The following SERF2 variants were observed in gnomAD, a reference collection of about 807,000 sequenced individuals.
The protein encoded by SERF2 is small EDRK-rich factor 2, also known as gastric cancer-related protein VRG107.
A neutral mutation model predicts 10.7 loss-of-function variants in SERF2; 4 were observed. The observed-to-expected ratio is 0.37, with a 90% confidence interval of 0.18 to 0.86. The LOEUF (loss-of-function observed/expected upper bound fraction) is 0.86, where lower values mean the gene tolerates loss of function less well. Among genes scored for constraint, SERF2 ranks in the 40% least tolerant of loss-of-function variants. The pLI, the probability that SERF2 is intolerant of heterozygous loss-of-function variation, is 0.43. For synonymous variants in SERF2, 26 were observed against 26.0 expected, an observed-to-expected ratio of 1.00 and a Z score of 0.01; for missense variants, 47 against 79.1, an observed-to-expected ratio of 0.59 and a Z score of 1.54.
upstream of SERF2, among the ~76,000 whole-genome samples, chr15:43,788,773 T>A (rs1264492330): frequency 1.3e-5 from 2 of 152,196 alleles, no homozygotes; most frequent in Non-Finnish European, 2.9e-5. Flanking sequence ...AGAAAGTTAT[T>A]TAACCTGCCA....
In SERF2 at chr15:43,794,407, CCTG is replaced by C. The variant is rs2087152727; in HGVS notation, c.*640_*642del. On this transcript the variant is annotated 3_prime_UTR_variant, in exon 3 of 3. Coordinates refer to ENST00000249786, the MANE Select transcript of SERF2 (RefSeq NM_001018108.4). ...TCTGCTTGAAAGTTGGCCAAAAAAT[CCTG>C]CTGCTCACCGACTTCCCGTGGTCAG... 6.1e-6 allele frequency: 1 copy of C among 164,438 alleles called. No homozygotes were observed. Among genetic ancestry groups the C allele is most frequent in the Non-Finnish European group, 1.3e-5 (1 of 75,508 alleles). 10.2% of individuals were successfully genotyped at this position (164,438 alleles called of 1,614,324 possible). A position where few individuals can be genotyped will look rare whatever the true frequency, so the allele number is the denominator to read the frequency against.
Position 43,795,856 on chromosome 15 carries a change from A to C in SERF2, c.*2083A>C. 5.1e-6 allele frequency: 5 copies of C among 980,876 alleles called. No homozygotes were observed. Among genetic ancestry groups the C allele is most frequent in the Middle Eastern group, 2.1e-4 (1 of 4,702 alleles). The allele number at this position is 980,876 out of a possible 1,614,324, so 60.8% of individuals were successfully genotyped here. A position where few individuals can be genotyped will look rare whatever the true frequency, so the allele number is the denominator to read the frequency against. On this transcript the variant is annotated 3_prime_UTR_variant, in exon 3 of 3. Transcript: ENST00000249786. ...AAAAGTGGAGGCACACCTGGGTTCA[A>C]ATTCTAGCTCCAGCATATAAGTGGC...
upstream of SERF2, among the ~76,000 whole-genome samples, chr15:43,787,323 A>G (rs185711231): frequency 1.9e-3 from 287 of 152,110 alleles, 1 homozygote; most frequent in African/African-American, 6.5e-3. Flanking sequence ...AAACCAATCA[A>G]TATTAAAAGG....
intron 1 of SERF2, among the ~76,000 whole-genome samples, chr15:43,780,231 C>G (rs939387637): frequency 2.0e-5 from 3 of 152,106 alleles, no homozygotes; most frequent in Admixed American, 2.0e-4. Context: ...GCTCTGCCTC[C>G]CAGGTTCACG....
intron 2 of SERF2, 80 bp from the exon 3 acceptor site, chr15:43,793,630 C>T (rs1358652509): frequency 1.2e-6 from 2 of 1,612,680 alleles, no homozygotes; most frequent in Non-Finnish European, 1.7e-6. Flanking sequence ...TCCATCTTAT[C>T]CTTTGTGCCC....
chr15:43,792,375 C>A lies in SERF2; in HGVS notation c.-2C>A. 1.9e-6 allele frequency: 3 copies of A among 1,613,326 alleles called. No individual in the cohort carries two copies. The highest frequency in any genetic ancestry group is 2.5e-6 in the Non-Finnish European group (3 of 1,179,272). On this transcript the variant is annotated 5_prime_UTR_variant, in exon 1 of 3. Coordinates refer to ENST00000249786, the MANE Select transcript of SERF2 (RefSeq NM_001018108.4). ...AGGCAGGTTGGAGCCGCTGCCGTCGCCATGACCCGTGAGCACCGAGCCCCC... is the reference window on the plus strand; with the variant it reads ...AGGCAGGTTGGAGCCGCTGCCGTCGACATGACCCGTGAGCACCGAGCCCCC...
rs1247548055 is a variant in SERF2 at position 43,794,076 on chromosome 15, G to C, written c.*303G>C. On this transcript the variant is annotated 3_prime_UTR_variant, in exon 3 of 3. Coordinates refer to ENST00000249786, the MANE Select transcript of SERF2 (RefSeq NM_001018108.4). ...AGCGCCTGGTTTGACTGGGGACTTG[G>C]GGGGATGGGGTTGGAAGAATGACTG... 8.6e-7 allele frequency: 1 copy of C among 1,161,426 alleles called. No individual in the cohort carries two copies. The highest frequency in any genetic ancestry group is 1.2e-6 in the Non-Finnish European group (1 of 851,796). 71.9% of individuals were successfully genotyped at this position (1,161,426 alleles called of 1,614,324 possible).
upstream of SERF2, chr15:43,792,035 C>T: frequency 2.1e-6 from 1 of 481,052 alleles, no homozygotes; most frequent in Non-Finnish European, 3.8e-6. Context: ...CGGTCACGTG[C>T]TCGAGCCCGC....
chr15:43,785,373 T>A (rs948156995), intron 1 of SERF2: 2 of 151,900 alleles, frequency 1.3e-5, no homozygotes, highest in African/African-American at 4.8e-5. Context: ...CCCGCCTGAA[T>A]GTTTCTTTCT....
In SERF2 at chr15:43,793,794, C is replaced by A. The variant is rs760093532; in HGVS notation, c.*21C>A. 6.2e-7 allele frequency: 1 copy of A among 1,614,188 alleles called. No individual in the cohort carries two copies. The highest frequency in any genetic ancestry group is 1.7e-5 in the Admixed American group (1 of 60,032). On this transcript the variant is annotated 3_prime_UTR_variant, in exon 3 of 3. Transcript: ENST00000249786. ...AGTAGCTTTGTGGCTTCGTGTCCAA[C>A]CCTCTTGCCCTTCGCCTGTGTGCCT... is the stretch of plus-strand genomic sequence containing the variant.
chr15:43,789,101 A>T (rs977481968), upstream of SERF2, among the ~76,000 whole-genome samples: 1 of 151,150 alleles, frequency 6.6e-6, no homozygotes, highest in African/African-American at 2.4e-5. Context: ...GTGAGCCGAG[A>T]TGGCGCCACT....
upstream of SERF2, among the ~76,000 whole-genome samples, chr15:43,791,677 T>A (rs1184783547): frequency 6.6e-6 from 1 of 152,224 alleles, no homozygotes; most frequent in East Asian, 1.9e-4. Flanking sequence ...AGTCCTCCAA[T>A]ACTTCCAAGC....
upstream of SERF2, among the ~76,000 whole-genome samples, chr15:43,788,579 T>C (rs531928918): frequency 1.3e-5 from 2 of 152,278 alleles, no homozygotes; most frequent in African/African-American, 2.4e-5. Context: ...TGAGGTAACA[T>C]TTAAACTGAG....
rs2087152441 is a variant in SERF2, at chr15:43,794,399, C to T, written c.*626C>T. 2 of 165,454 alleles carry T rather than the reference C, an allele frequency of 1.2e-5. No homozygotes were observed. Among genetic ancestry groups the T allele is most frequent in the Non-Finnish European group, 2.6e-5 (2 of 76,298 alleles). 10.2% of individuals were successfully genotyped at this position (165,454 alleles called of 1,614,324 possible). On this transcript the variant is annotated 3_prime_UTR_variant, in exon 3 of 3. Transcript: ENST00000249786. ...TTTGTTCGTCTGCTTGAAAGTTGGC[C>T]AAAAAATCCTGCTGCTCACCGACTT...
intron 1 of SERF2, among the ~76,000 whole-genome samples, chr15:43,779,593 G>A (rs1337961435): frequency 6.6e-6 from 1 of 152,058 alleles, no homozygotes; most frequent in African/African-American, 2.4e-5. Flanking sequence ...CTGGGGTCAA[G>A]CAGTCCACCC....
upstream of SERF2, chr15:43,792,269 C>A: frequency 1.0e-6 from 1 of 981,786 alleles, no homozygotes; most frequent in Non-Finnish European, 1.6e-6. Flanking sequence ...CGCGAAGGGG[C>A]GGGGAGGAAA....
chr15:43,794,768 G>A lies in SERF2; in HGVS notation c.*995G>A, dbSNP rs1270111540. On this transcript the variant is annotated 3_prime_UTR_variant, in exon 3 of 3. Transcript: ENST00000249786. ...GTGGTTCTTTGAGCTGCTGATTTGGGTGTTAGGCTCTTGAGCTGGGATGCA... is the reference window on the plus strand; with the variant it reads ...GTGGTTCTTTGAGCTGCTGATTTGGATGTTAGGCTCTTGAGCTGGGATGCA... 1 of 497,598 alleles carries A rather than the reference G, an allele frequency of 2.0e-6. No individual in the cohort carries two copies. The highest frequency in any genetic ancestry group is 3.6e-6 in the Non-Finnish European group (1 of 277,864). 30.8% of individuals were successfully genotyped at this position (497,598 alleles called of 1,614,324 possible). A position where few individuals can be genotyped will look rare whatever the true frequency, so the allele number is the denominator to read the frequency against.
chr15:43,780,498 G>A (rs539049724), intron 1 of SERF2, among the ~76,000 whole-genome samples: 1 of 152,080 alleles, frequency 6.6e-6, no homozygotes, highest in East Asian at 1.9e-4. Context: ...CTATCCTATC[G>A]CCCTGCAGCC....
intron 1 of SERF2, among the ~76,000 whole-genome samples, chr15:43,782,292 A>G (rs997542100): frequency 3.9e-5 from 6 of 152,122 alleles, no homozygotes; most frequent in Non-Finnish European, 8.8e-5. Flanking sequence ...TTTTTGTTAT[A>G]TCAATATTGA....
Sources: gnomAD v4.1 joint callset for allele counts (sites outside exome capture counted in the v4.1 genomes callset) on GRCh38, gnomAD v4.1.1 for gene constraint, MANE v1.5 for transcripts, NCBI Gene and HGNC (gene_info 2026-07-23, HGNC 2026-07-21) for gene names.